The following POLR1F variants were observed in gnomAD, a reference collection of about 807,000 sequenced individuals.
The protein encoded by POLR1F is RNA polymerase I subunit F.
In POLR1F, 23 loss-of-function variants were observed where a neutral mutation model predicts 21.8. The observed-to-expected ratio is 1.05, with a 90% CI of 0.76 to 1.49. The LOEUF (loss-of-function observed/expected upper bound fraction) is 1.49, where lower values mean the gene tolerates loss of function less well. Among genes scored for constraint, POLR1F ranks in the 40% most tolerant of loss-of-function variants. POLR1F has a pLI of 0.00. For synonymous variants in POLR1F, 162 were observed against 152.8 expected (o/e 1.06, Z -0.45); for missense variants, 435 against 412.1 (o/e 1.06, Z -0.48).
chr7:19,700,122 G>C lies in POLR1F; in HGVS notation c.555C>G (p.Asp185Glu), dbSNP rs368584530. Reference sequence around the variant, plus strand: ...TGCAGAATACTCCAGCAGCATCTGAGTCTAAACGAAATACTTCAAATTCTA... The same window carrying C: ...TGCAGAATACTCCAGCAGCATCTGACTCTAAACGAAATACTTCAAATTCTA... ...DELEFEVFRL[D>E]SDAAGVFCIR... Residue 185 changes from aspartate (D) to glutamate (E), a missense_variant, in exon 3 of 4, where the codon GAC becomes GAG. Transcript: ENST00000222567. The C allele has an allele frequency of 6.2e-7, 1 of 1,613,750 alleles. No individual in the cohort carries two copies. Among genetic ancestry groups the C allele is most frequent in the Non-Finnish European group, 8.5e-7 (1 of 1,179,844 alleles).
Position 19,696,699 on chromosome 7 carries a change from T to G in POLR1F, c.*1617A>C, listed in dbSNP as rs1043404939. Reference sequence around the variant, plus strand: ...AAGTTAACATGAGCTTCATGTACAATTTTTAATCTTTTTGCAGAAAAATAA... The same window carrying G: ...AAGTTAACATGAGCTTCATGTACAAGTTTTAATCTTTTTGCAGAAAAATAA... On this transcript the variant is annotated 3_prime_UTR_variant, in exon 4 of 4. Coordinates refer to ENST00000222567, the MANE Select transcript of POLR1F (RefSeq NM_001002926.2). The G allele has an allele frequency of 2.6e-5, 4 of 152,114 alleles. No individual in the cohort carries two copies. The highest frequency in any genetic ancestry group is 2.1e-4 in the South Asian group (1 of 4,826). 9.4% of individuals were successfully genotyped at this position (152,114 alleles called of 1,614,324 possible).
In POLR1F at chr7:19,709,034, C is replaced by T; in HGVS notation, c.-18G>A. 1 of 1,552,850 alleles carries T rather than the reference C, an allele frequency of 6.4e-7. No individual in the cohort carries two copies. Among genetic ancestry groups the T allele is most frequent in the Non-Finnish European group, 8.7e-7 (1 of 1,152,314 alleles). ...GCAGCCATGCTGCTTGTCAAGGTTC[C>T]CACGGCGCGCGCCGTTGACGCAAGC... On this transcript the variant is annotated 5_prime_UTR_variant, in exon 1 of 4. Coordinates refer to ENST00000222567, the MANE Select transcript of POLR1F (RefSeq NM_001002926.2).
chr7:19,704,850 G>T lies in POLR1F; in HGVS notation c.325C>A (p.Gln109Lys). The stretch of plus-strand genomic sequence containing the variant: ...TCAATGTTAAGATGAATGTGTCCTT[G>T]ATCATCATAAATATCTCCAAGCTCT... ...VGELGDIYDD[Q>K]GHIHLNIEAD... Residue 109 changes from glutamine to lysine, a missense_variant, in exon 2 of 4, where the codon CAA becomes AAA. By Grantham distance (53) the Gln-to-Lys change is moderately conservative (BLOSUM62 1). Transcript: ENST00000222567. The T allele has an allele frequency of 6.2e-7, 1 of 1,609,078 alleles. No homozygotes were observed. The highest frequency in any genetic ancestry group is 8.5e-7 in the Non-Finnish European group (1 of 1,178,044).
chr7:19,704,164 G>A (rs544321618), intron 2 of POLR1F, among the ~76,000 whole-genome samples: 2 of 152,092 alleles, frequency 1.3e-5, no homozygotes, highest in South Asian at 4.1e-4. Flanking sequence ...TATCAGCTAA[G>A]GAAAAGAACA....
intron 1 of POLR1F, 64 bp downstream of exon 1, chr7:19,708,699 G>A: frequency 6.4e-7 from 1 of 1,558,732 alleles, no homozygotes; most frequent in Non-Finnish European, 8.7e-7. Flanking sequence ...CTGCTGCGTC[G>A]TCAGCACATC....
At chr7:19,700,391 T>A in intron 2 of POLR1F, 111 bp from the exon 3 acceptor site, 1 of 783,412 alleles carries the variant, frequency 1.3e-6, no homozygotes, top group Non-Finnish European at 2.1e-6. Flanking sequence ...AACATCAAAT[T>A]AATGGTCTAA....
chr7:19,698,843 C>T lies in POLR1F; in HGVS notation c.606-116G>A, dbSNP rs144156725. The T allele has an allele frequency of 1.9e-4, 141 of 747,652 alleles. No homozygotes were observed. The East Asian group carries it at 4.1e-3, about 22-fold the overall frequency. 46.3% of individuals were successfully genotyped at this position (747,652 alleles called of 1,614,324 possible). A position where few individuals can be genotyped will look rare whatever the true frequency, so the allele number is the denominator to read the frequency against. ...TCTAAATAATGACTCCAGTACAAGACACATAACCATGGCATAAATTCCAAA... is the reference window on the plus strand; with the variant it reads ...TCTAAATAATGACTCCAGTACAAGATACATAACCATGGCATAAATTCCAAA... On this transcript the variant is annotated intron_variant, in intron 3 of 3. Coordinates refer to ENST00000222567, the MANE Select transcript of POLR1F (RefSeq NM_001002926.2).
At position 19,698,568 on chromosome 7, in the gene POLR1F, T is replaced by A; in HGVS notation, c.765A>T (p.Pro255=). ...TKLADDADDT[P]MEESALQNTN... ...TATTCTGCAGGGCTGACTCTTCCATTGGAGTGTCATCTGCATCATCTGCTA... is the reference window on the plus strand; with the variant it reads ...TATTCTGCAGGGCTGACTCTTCCATAGGAGTGTCATCTGCATCATCTGCTA... The change falls in exon 4 of 4, where the codon CCA becomes CCT. Residue 255 remains proline, a synonymous_variant. Coordinates refer to ENST00000222567, the MANE Select transcript of POLR1F (RefSeq NM_001002926.2). 6.2e-7 allele frequency: 1 copy of A among 1,613,336 alleles called. No individual in the cohort carries two copies. Among genetic ancestry groups the A allele is most frequent in the South Asian group, 1.1e-5 (1 of 90,920 alleles).
chr7:19,700,666 A>T (rs1333151907), intron 2 of POLR1F, among the ~76,000 whole-genome samples: 1 of 152,210 alleles, frequency 6.6e-6, no homozygotes, highest in East Asian at 1.9e-4. Flanking sequence ...ATTGAAACCA[A>T]GCAAACCCCA....
chr7:19,707,251 C>T (rs1783538729), intron 1 of POLR1F, among the ~76,000 whole-genome samples: 1 of 152,156 alleles, frequency 6.6e-6, no homozygotes, highest in African/African-American at 2.4e-5. Context: ...ATGCCAGGGA[C>T]TGCAGAGAAG....
At position 19,700,190 on chromosome 7, in the gene POLR1F, C is replaced by A. The variant is rs1275625977; in HGVS notation, c.487G>T (p.Ala163Ser). Residue 163 changes from alanine (A) to serine (S), a missense_variant, in exon 3 of 4, where the codon GCT (alanine) becomes TCT (serine). Physicochemically the swap from Ala to Ser is moderately conservative, Grantham distance 99. Transcript: ENST00000222567. ...ATCTCCATGGTTTGCCACTGCTCAG[C>A]TGACAACTGCTCAGGTTTAGGAATG... is the stretch of plus-strand genomic sequence containing the variant. Reference protein sequence around the residue: ...ASIPKPEQLSAEQWQTMEINM... With the variant: ...ASIPKPEQLSSEQWQTMEINM... 1.2e-5 allele frequency: 20 copies of A among 1,613,782 alleles called. No homozygotes were observed. The highest frequency in any genetic ancestry group is 1.7e-5 in the Non-Finnish European group (20 of 1,179,858).
intron 2 of POLR1F, among the ~76,000 whole-genome samples, chr7:19,704,201 C>T (rs985490187): frequency 6.6e-6 from 1 of 152,006 alleles, no homozygotes; most frequent in Non-Finnish European, 1.5e-5. Flanking sequence ...AGTATACATA[C>T]GAACATGTGT....
Position 19,708,787 on chromosome 7 carries a change from G to A in POLR1F, c.230C>T (p.Ala77Val), listed in dbSNP as rs550275793. 15 of 1,613,414 alleles carry A rather than the reference G, an allele frequency of 9.3e-6. No individual in the cohort carries two copies. The highest frequency in any genetic ancestry group is 6.7e-5 in the African/African-American group (5 of 75,054). The change falls in exon 1 of 4, where the codon GCG becomes GTG. Residue 77 changes from alanine to valine, a missense_variant. By Grantham distance (64) the Ala-to-Val change is moderately conservative. Transcript: ENST00000222567. ...KRTGIREQLD[A>V]ELLRYSESLL... is the part of the protein sequence containing the mutation. ...CCTCTCAGAATAGCGAAGGAGCTCC[G>A]CATCAAGCTGTTCTCGAATGCCGGT...
At chr7:19,703,126 C>G (rs1783466529) in intron 2 of POLR1F, among the ~76,000 whole-genome samples, 1 of 152,004 alleles carries the variant, frequency 6.6e-6, no homozygotes, top group African/African-American at 2.4e-5. Flanking sequence ...AACTGAATAC[C>G]ATGAGCAATA....
intron 1 of POLR1F, among the ~76,000 whole-genome samples, chr7:19,707,717 G>A (rs1051125804): frequency 5.9e-5 from 9 of 152,014 alleles, no homozygotes; most frequent in Non-Finnish European, 1.3e-4. Flanking sequence ...CTATTTATTG[G>A]CTTGTATTTG....
At chr7:19,703,756 G>A (rs1783477979) in intron 2 of POLR1F, among the ~76,000 whole-genome samples, 1 of 152,008 alleles carries the variant, frequency 6.6e-6, no homozygotes, top group African/African-American at 2.4e-5. Context: ...CACCATGACT[G>A]GCTAATTTTT....
In POLR1F at chr7:19,697,700, A is replaced by G. The variant is rs1403928161; in HGVS notation, c.*616T>C. 1 of 148,870 alleles carries G rather than the reference A, an allele frequency of 6.7e-6. No homozygotes were observed. The highest frequency in any genetic ancestry group is 1.5e-5 in the Non-Finnish European group (1 of 67,400). The allele number at this position is 148,870 out of a possible 1,614,324, so 9.2% of individuals were successfully genotyped here. A position where few individuals can be genotyped will look rare whatever the true frequency, so the allele number is the denominator to read the frequency against. On this transcript the variant is annotated 3_prime_UTR_variant, in exon 4 of 4. Transcript: ENST00000222567. The stretch of plus-strand genomic sequence containing the variant: ...CAGACTTAAGAAGACAAGGACACAC[A>G]TGCACTTGGAAGAAAGAAAAGAAAA...
At position 19,698,231 on chromosome 7, in the gene POLR1F, T is replaced by G. The variant is rs1783398377; in HGVS notation, c.*85A>C. 1 of 1,309,548 alleles carries G rather than the reference T, an allele frequency of 7.6e-7. No homozygotes were observed. Among genetic ancestry groups the G allele is most frequent in the Admixed American group, 3.1e-5 (1 of 31,768 alleles). 81.1% of individuals were successfully genotyped at this position (1,309,548 alleles called of 1,614,324 possible). The stretch of plus-strand genomic sequence containing the variant: ...TCTGTTTTGTAAACTACTGGCATAC[T>G]TAACCTTTTCATATCACTGAAAACA... On this transcript the variant is annotated 3_prime_UTR_variant, in exon 4 of 4. Transcript: ENST00000222567.
In POLR1F at chr7:19,698,369, T is replaced by C; in HGVS notation, c.964A>G (p.Thr322Ala). The change falls in exon 4 of 4, where the codon ACC becomes GCC. Residue 322 changes from threonine to alanine, a missense_variant. By Grantham distance (58) the Thr-to-Ala change is moderately conservative. Transcript: ENST00000222567. ...TTTGGTGAGCATTTCAAAGGTGGGGTAAATTCGGCCTCTTCACTGTGTTTT... is the reference window on the plus strand; with the variant it reads ...TTTGGTGAGCATTTCAAAGGTGGGGCAAATTCGGCCTCTTCACTGTGTTTT... Reference protein sequence around the residue: ...KRKHSEEAEFTPPLKCSPKRK... With the variant: ...KRKHSEEAEFAPPLKCSPKRK... The C allele has an allele frequency of 6.3e-7, 1 of 1,585,418 alleles. No individual in the cohort carries two copies. The highest frequency in any genetic ancestry group is 1.2e-5 in the South Asian group (1 of 84,710).
Sources: gnomAD v4.1 joint callset for allele counts (sites outside exome capture counted in the v4.1 genomes callset) on GRCh38, gnomAD v4.1.1 for gene constraint, MANE v1.5 for transcripts, NCBI Gene and HGNC (gene_info 2026-07-23, HGNC 2026-07-21) for gene names.